Variants in UBE2U observed in about 807,000 individuals in gnomAD.
UBE2U encodes ubiquitin conjugating enzyme E2 U.
UBE2U carries 39 observed loss-of-function variants against 41.2 expected under a neutral mutation model. That is an observed-to-expected ratio of 0.95 (90% CI 0.73 to 1.24). The LOEUF (loss-of-function observed/expected upper bound fraction) is 1.24, where lower values mean the gene tolerates loss of function less well. Among genes scored for constraint, UBE2U ranks in the 50% most tolerant of loss-of-function variants. UBE2U has a pLI of 0.00. For synonymous variants in UBE2U, 107 were observed against 117.8 expected, an observed-to-expected ratio of 0.91 and a Z score of 0.60; for missense variants, 336 against 363.1, an observed-to-expected ratio of 0.93 and a Z score of 0.61.
intron 8 of UBE2U, among the ~76,000 whole-genome samples, chr1:64,242,314 TTCA>T (rs1359135197): frequency 1.3e-5 from 2 of 152,180 alleles, no homozygotes; most frequent in African/African-American, 2.4e-5. Context: ...GTTTTTCTGC[TTCA>T]TCATGTTACA....
chr1:64,231,275 T>TC (rs1025885008), intron 6 of UBE2U, among the ~76,000 whole-genome samples: 1 of 152,210 alleles, frequency 6.6e-6, no homozygotes, highest in Admixed American at 6.5e-5. Flanking sequence ...GTATTTTTTT[T>TC]CACGAGACAG....
intron 7 of UBE2U, among the ~76,000 whole-genome samples, chr1:64,239,158 AAGAAGAAGAAGAAGAAG>A (rs1557731062): frequency 1.0e-2 from 124 of 12,458 alleles, no homozygotes; most frequent in African/African-American, 0.019. Flanking sequence ...AAGAAGAAGA[AAGAAGAAGAAGAAGAAG>A]AAGAAGAAGA....
chr1:64,207,177 GTC>G (rs574317916), intron 3 of UBE2U, among the ~76,000 whole-genome samples: 54 of 152,190 alleles, frequency 3.5e-4, no homozygotes, highest in African/African-American at 1.1e-3. Context: ...TTGAGACAGA[GTC>G]TCTCTCTGTC....
chr1:64,229,416 G>C (rs889325490), intron 6 of UBE2U, among the ~76,000 whole-genome samples: 1 of 152,160 alleles, frequency 6.6e-6, no homozygotes, highest in Non-Finnish European at 1.5e-5. Flanking sequence ...CGCTAAACTT[G>C]GCTCTTTTCA....
At chr1:64,251,244 G>A (rs997600939) in intron 8 of UBE2U, among the ~76,000 whole-genome samples, 13 of 150,716 alleles carry the variant, frequency 8.6e-5, no homozygotes, top group South Asian at 8.4e-4. Flanking sequence ...TTAAATCAAG[G>A]TTACATTCCT....
At position 64,206,948 on chromosome 1, in the gene UBE2U, T is replaced by A; in HGVS notation, c.241+92T>A. 4.9e-6 allele frequency: 4 copies of A among 813,296 alleles called. No individual in the cohort carries two copies. In the South Asian group the frequency reaches 5.2e-5, roughly 11 times the overall value. The allele number at this position is 813,296 out of a possible 1,614,324, so 50.4% of individuals were successfully genotyped here. A position where few individuals can be genotyped will look rare whatever the true frequency, so the allele number is the denominator to read the frequency against. On this transcript the variant is annotated intron_variant, in intron 3 of 9. Coordinates refer to ENST00000371077, the MANE Select transcript of UBE2U (RefSeq NM_001366232.2). ...TCATGTTTCTTTTTAAGAACTTTAT[T>A]ATGATTCTAAAAGTAAGAACTCTCA...
At chr1:64,237,114 T>C (rs141357643) in intron 7 of UBE2U, among the ~76,000 whole-genome samples, 1 of 152,308 alleles carries the variant, frequency 6.6e-6, no homozygotes, top group African/African-American at 2.4e-5. Context: ...GTTTGTACTT[T>C]GGTTTTCATT....
At chr1:64,239,092 G>GAAA (rs1644737300) in intron 7 of UBE2U, among the ~76,000 whole-genome samples, 1 of 42,750 alleles carries the variant, frequency 2.3e-5, no homozygotes, top group African/African-American at 1.0e-4. Context: ...AAGAGGAAGA[G>GAAA]GAAGAAGAAG....
At chr1:64,239,092 G>GAAGAAGAAGAAGAAGAAGA (rs1644737300) in intron 7 of UBE2U, among the ~76,000 whole-genome samples, 5 of 42,750 alleles carry the variant, frequency 1.2e-4, no homozygotes, top group Admixed American at 3.5e-4. Context: ...AAGAGGAAGA[G>GAAGAAGAAGAAGAAGAAGA]GAAGAAGAAG....
At chr1:64,210,548 T>A (rs1302118747) in intron 3 of UBE2U, among the ~76,000 whole-genome samples, 194 bp from the exon 4 acceptor site, 1 of 152,190 alleles carries the variant, frequency 6.6e-6, no homozygotes, top group South Asian at 2.1e-4. Context: ...TAGGGGCACC[T>A]ATGTATTCAG....
chr1:64,239,140 A>AGGAAGAAGAAGAAG (rs1557730529), intron 7 of UBE2U, among the ~76,000 whole-genome samples: 1 of 28,354 alleles, frequency 3.5e-5, no homozygotes, highest in South Asian at 1.9e-3. Context: ...AAGAAGAAGA[A>AGGAAGAAGAAGAAG]GAAGAAGAAG....
chr1:64,212,936 A>G (rs1651749311), intron 4 of UBE2U, among the ~76,000 whole-genome samples: 1 of 152,120 alleles, frequency 6.6e-6, no homozygotes, highest in Non-Finnish European at 1.5e-5. Context: ...TTGTCTTTTT[A>G]TTTTTCGAAA....
At chr1:64,229,001 C>T (rs1293172763) in intron 6 of UBE2U, among the ~76,000 whole-genome samples, 6 of 151,868 alleles carry the variant, frequency 4.0e-5, no homozygotes, top group African/African-American at 1.5e-4. Flanking sequence ...GCTGGGATTA[C>T]AGGCACACGC....
chr1:64,242,744 A>G (rs916214636), intron 8 of UBE2U, among the ~76,000 whole-genome samples: 1 of 152,172 alleles, frequency 6.6e-6, no homozygotes, highest in African/African-American at 2.4e-5. Context: ...TGCATTTGAT[A>G]TACTTTTCTG....
intron 4 of UBE2U, among the ~76,000 whole-genome samples, chr1:64,214,224 C>T (rs2100279226): frequency 6.6e-6 from 1 of 152,326 alleles, no homozygotes; most frequent in South Asian, 2.1e-4. Context: ...CCGTTCAATA[C>T]AGTACCTACT....
intron 8 of UBE2U, among the ~76,000 whole-genome samples, chr1:64,259,009 T>C (rs554349863): frequency 3.6e-4 from 55 of 152,280 alleles, no homozygotes; most frequent in African/African-American, 9.1e-4. Flanking sequence ...TTAATGATCG[T>C]CATTCTAACT....
At chr1:64,254,201 A>G (rs1196422740) in intron 8 of UBE2U, among the ~76,000 whole-genome samples, 1 of 152,208 alleles carries the variant, frequency 6.6e-6, no homozygotes, top group Non-Finnish European at 1.5e-5. Flanking sequence ...ATTTGACAAC[A>G]AGAGCTAATT....
chr1:64,261,783 T>G (rs923951353), intron 9 of UBE2U, among the ~76,000 whole-genome samples: 1 of 152,204 alleles, frequency 6.6e-6, no homozygotes, highest in African/African-American at 2.4e-5. Flanking sequence ...ATCCCCACCA[T>G]GTTCACCAGT....
chr1:64,255,242 G>A (rs755963261), intron 8 of UBE2U, among the ~76,000 whole-genome samples: 1 of 151,828 alleles, frequency 6.6e-6, no homozygotes, highest in East Asian at 1.9e-4. Flanking sequence ...TCCCTGAATT[G>A]ACCAATAATG....
Sources: gnomAD v4.1 joint callset for allele counts (sites outside exome capture counted in the v4.1 genomes callset) on GRCh38, gnomAD v4.1.1 for gene constraint, MANE v1.5 for transcripts, NCBI Gene and HGNC (gene_info 2026-07-23, HGNC 2026-07-21) for gene names.